MMP24: variants seen among roughly 807,000 people sequenced by gnomAD.
MMP24 encodes the protein matrix metalloproteinase-24.
A neutral mutation model predicts 62.8 loss-of-function variants in MMP24; 25 were observed. The observed-to-expected ratio is 0.40, with a 90% confidence interval of 0.29 to 0.56. The LOEUF (loss-of-function observed/expected upper bound fraction) is 0.56. MMP24 is among the 20% of genes least tolerant of loss of function. The pLI, the probability that MMP24 is intolerant of heterozygous loss-of-function variation, is 0.50. For synonymous variants in MMP24, 319 were observed against 350.5 expected (o/e 0.91, Z 1.00); for missense variants, 634 against 853.6 (o/e 0.74, Z 3.21).
chr20:35,267,448 C>T (rs1295184586), intron 6 of MMP24, 29 bp downstream of exon 6: 6 of 1,540,094 alleles, frequency 3.9e-6, no homozygotes, highest in Non-Finnish European at 5.3e-6. Context: ...CACCACCCAG[C>T]TGGCCCCTGA....
chr20:35,268,834 T>C (rs183232162), intron 6 of MMP24, among the ~76,000 whole-genome samples: 6 of 152,044 alleles, frequency 3.9e-5, no homozygotes, highest in Admixed American at 2.0e-4. Context: ...AAGACCATCC[T>C]GGCTAACATG....
intron 1 of MMP24, among the ~76,000 whole-genome samples, chr20:35,234,388 A>G (rs1166037441): frequency 6.6e-6 from 1 of 152,224 alleles, no homozygotes; most frequent in African/African-American, 2.4e-5. Context: ...CACCGGCTGT[A>G]ACTTCCATGA....
chr20:35,226,772 G>GGA lies in MMP24; in HGVS notation c.35_36insAG (p.Pro13GlyfsTer74). The GGA allele has an allele frequency of 1.1e-6, 1 of 886,208 alleles. No homozygotes were observed. The highest frequency in any genetic ancestry group is 1.3e-6 in the Non-Finnish European group (1 of 754,058). 54.9% of individuals were successfully genotyped at this position (886,208 alleles called of 1,614,324 possible). On this transcript the variant is annotated frameshift_variant, in exon 1 of 9. Transcript: ENST00000246186. LOFTEE classifies it high-confidence loss of function. ...GAGCCGGGGCGGCCGCGCCGCGCCGGGGCCGCCGCCGCCGCCGCCGCCGCC... is the reference window on the plus strand; with the variant it reads ...GAGCCGGGGCGGCCGCGCCGCGCCGGGAGGCCGCCGCCGCCGCCGCCGCCGCC...
chr20:35,227,038 G>C (rs2060416836), intron 1 of MMP24, 54 bp downstream of exon 1: 3 of 978,050 alleles, frequency 3.1e-6, no homozygotes, highest in Non-Finnish European at 2.4e-6. Context: ...GGGCAGGGCG[G>C]GGGGCGGCAC....
intron 1 of MMP24, among the ~76,000 whole-genome samples, chr20:35,227,587 C>T (rs1352156869): frequency 6.6e-6 from 1 of 151,536 alleles, no homozygotes; most frequent in African/African-American, 2.4e-5. Flanking sequence ...GCTTAGGAGG[C>T]GGCGAGCTGC....
chr20:35,265,405 G>A (rs1302066745), intron 5 of MMP24, among the ~76,000 whole-genome samples: 4 of 150,896 alleles, frequency 2.7e-5, no homozygotes, highest in African/African-American at 9.8e-5. Context: ...TCACACCACT[G>A]CACTCCAGCC....
chr20:35,229,461 C>T (rs544917771), intron 1 of MMP24, among the ~76,000 whole-genome samples: 1 of 152,276 alleles, frequency 6.6e-6, no homozygotes, highest in South Asian at 2.1e-4. Flanking sequence ...CTTAATTTGA[C>T]AATGACTCCA....
intron 5 of MMP24, among the ~76,000 whole-genome samples, chr20:35,265,421 G>A (rs188446136): frequency 2.1e-4 from 31 of 150,158 alleles, no homozygotes; most frequent in Admixed American, 4.0e-4. Flanking sequence ...CAGCCTAGGC[G>A]ACAGAGTGAG....
chr20:35,275,829 TAGA>T lies in MMP24; in HGVS notation c.*1223_*1225del, dbSNP rs1208092284. The T allele has an allele frequency of 1.0e-5, 4 of 394,616 alleles. No individual in the cohort carries two copies. The highest frequency in any genetic ancestry group is 1.8e-5 in the Non-Finnish European group (4 of 224,200). The allele number at this position is 394,616 out of a possible 1,614,324, so 24.4% of individuals were successfully genotyped here. On this transcript the variant is annotated 3_prime_UTR_variant, in exon 9 of 9. Coordinates refer to ENST00000246186, the MANE Select transcript of MMP24 (RefSeq NM_006690.4). ...TGGGCCCATCTTCCCACACTGCTCTTAGAAGGACACCCCTACCGGTAGCAGCCC... is the reference window on the plus strand; with the variant it reads ...TGGGCCCATCTTCCCACACTGCTCTTAGGACACCCCTACCGGTAGCAGCCC...
At chr20:35,229,129 T>C (rs2146196331) in intron 1 of MMP24, among the ~76,000 whole-genome samples, 1 of 152,332 alleles carries the variant, frequency 6.6e-6, no homozygotes, top group East Asian at 1.9e-4. Context: ...CTTACATTTC[T>C]CCACCTTGAC....
At chr20:35,263,721 G>A in intron 4 of MMP24, 70 bp from the exon 5 acceptor site, 1 of 1,332,654 alleles carries the variant, frequency 7.5e-7, no homozygotes, top group South Asian at 1.6e-5. Flanking sequence ...GTTTGCTGAG[G>A]TAATGGGTTG....
At chr20:35,255,370 G>A in intron 4 of MMP24, among the ~76,000 whole-genome samples, 1 of 152,070 alleles carries the variant, frequency 6.6e-6, no homozygotes, top group African/African-American at 2.4e-5. Flanking sequence ...AGCTGAAAGA[G>A]GGGTCTGAAA....
chr20:35,265,631 C>T (rs908581159), intron 5 of MMP24, among the ~76,000 whole-genome samples: 8 of 152,076 alleles, frequency 5.3e-5, no homozygotes, highest in Middle Eastern at 3.4e-3. Flanking sequence ...GTAATCCTAG[C>T]GCTTTGGGAG....
chr20:35,269,979 G>A lies in MMP24; in HGVS notation c.1333+81G>A. On this transcript the variant is annotated intron_variant, in intron 7 of 8. Transcript: ENST00000246186. The surrounding 1 kb of genome is among the most constrained non-coding windows in gnomAD (Gnocchi z 4.6). ...TTTCCCATCTAAACTGGAAGAGGCG[G>A]GGTGGGAGGCAGATGTCCTCAGAGG... 1 of 1,514,906 alleles carries A rather than the reference G, an allele frequency of 6.6e-7. No homozygotes were observed. Among genetic ancestry groups the A allele is most frequent in the Admixed American group, 2.1e-5 (1 of 48,636 alleles). 93.8% of individuals were successfully genotyped at this position (1,514,906 alleles called of 1,614,324 possible).
At chr20:35,228,628 A>T (rs560943693) in intron 1 of MMP24, among the ~76,000 whole-genome samples, 1 of 152,296 alleles carries the variant, frequency 6.6e-6, no homozygotes, top group East Asian at 1.9e-4. Flanking sequence ...ACATAAAGAG[A>T]TAGAGCTAGA....
intron 1 of MMP24, among the ~76,000 whole-genome samples, chr20:35,229,654 GTCTTTTAAGCCC>G (rs2060429461): frequency 2.0e-5 from 3 of 152,018 alleles, no homozygotes; most frequent in African/African-American, 7.3e-5. Flanking sequence ...TCCTCTTTCT[GTCTTTTAAGCCC>G]TCTGGAGTCT....
chr20:35,239,172 G>A (rs905256148), intron 1 of MMP24, among the ~76,000 whole-genome samples: 6 of 151,482 alleles, frequency 4.0e-5, no homozygotes, highest in Non-Finnish European at 7.4e-5. Flanking sequence ...TCAGCCTCCC[G>A]AGTAGCTAGG....
At chr20:35,230,509 G>A in intron 1 of MMP24, among the ~76,000 whole-genome samples, 1 of 152,282 alleles carries the variant, frequency 6.6e-6, no homozygotes, top group Middle Eastern at 3.4e-3. Flanking sequence ...TGGGCATGGG[G>A]CTCCAAGCCC....
intron 7 of MMP24, 130 bp downstream of exon 7, chr20:35,270,028 C>T: frequency 8.7e-7 from 1 of 1,154,572 alleles, no homozygotes; most frequent in Non-Finnish European, 1.2e-6. Flanking sequence ...AACGGAGACA[C>T]TGACCTCTGA....
Sources: allele counts gnomAD v4.1 joint callset (sites outside exome capture counted in the v4.1 genomes callset), GRCh38; gene constraint gnomAD v4.1.1; non-coding constraint Gnocchi (gnomAD v3.1); transcripts MANE v1.5; gene names NCBI Gene and HGNC (gene_info 2026-07-23, HGNC 2026-07-21).